PDCL: variants seen among roughly 807,000 people sequenced by gnomAD.
PDCL encodes the protein phosducin like, also known as phosducin-like protein.
Under a neutral mutation model 26.7 loss-of-function variants are expected in PDCL, and 11 were observed. The observed-to-expected ratio is 0.41, with a 90% CI of 0.26 to 0.68. The LOEUF is 0.68. PDCL is among the 30% of genes least tolerant of loss of function. The pLI is 0.30. For synonymous variants in PDCL, 118 were observed against 134.9 expected, an observed-to-expected ratio of 0.87 and a Z score of 0.87; for missense variants, 330 against 371.6, an observed-to-expected ratio of 0.89 and a Z score of 0.92.
At chr9:122,823,317 C>T in intron 2 of PDCL, 120 bp from the exon 3 acceptor site, 1 of 929,278 alleles carries the variant, frequency 1.1e-6, no homozygotes, top group Non-Finnish European at 1.7e-6. Context: ...GCACAATTAT[C>T]ATAGGGACTC....
intron 2 of PDCL, among the ~76,000 whole-genome samples, chr9:122,824,173 C>T (rs138272614): frequency 6.6e-6 from 1 of 152,184 alleles, no homozygotes; most frequent in Non-Finnish European, 1.5e-5. Flanking sequence ...TGCCGAAGGA[C>T]TTATATGTCC....
At chr9:122,825,036 G>C (rs1029762353) in intron 2 of PDCL, among the ~76,000 whole-genome samples, 43 of 152,030 alleles carry the variant, frequency 2.8e-4, no homozygotes, top group African/African-American at 9.4e-4. Context: ...TGAAACAACT[G>C]AGTAGCAATC....
Position 122,823,259 on chromosome 9 carries a change from C to T in PDCL, c.173-62G>A. On this transcript the variant is annotated intron_variant, in intron 2 of 3. Coordinates refer to ENST00000259467, the MANE Select transcript of PDCL (RefSeq NM_005388.5). ...GGGCAGGGAATTATGGACCAGCTGA[C>T]ATCTGTAGGTAGGAGTTCACATCTG... 2.6e-6 allele frequency: 4 copies of T among 1,523,362 alleles called. No individual in the cohort carries two copies. In the Admixed American group the frequency reaches 5.1e-5, roughly 19 times the overall value. 94.4% of individuals were successfully genotyped at this position (1,523,362 alleles called of 1,614,324 possible). A position where few individuals can be genotyped will look rare whatever the true frequency, so the allele number is the denominator to read the frequency against.
At chr9:122,820,804 C>T (rs374786342) in intron 3 of PDCL, 168 bp from the exon 4 acceptor site, 11 of 521,116 alleles carry the variant, frequency 2.1e-5, no homozygotes, top group Admixed American at 6.4e-5. Context: ...GCCAACATGG[C>T]AAAGCCTCAT....
rs1030762507 is a variant in PDCL at position 122,826,668 on chromosome 9, A to C, written c.120T>G (p.Ser40Arg). Reference sequence around the variant, plus strand: ...CCAGCTCAGCCTCTGCAGGCACAGAACTGCTGGCTGGGGCACATCTGCCTC... The same window carrying C: ...CCAGCTCAGCCTCTGCAGGCACAGACCTGCTGGCTGGGGCACATCTGCCTC... The part of the protein sequence containing the change: ...KDRGRCAPAS[S>R]SVPAEAELAG... Residue 40 changes from serine to arginine, a missense_variant, in exon 2 of 4, where the codon AGT (serine) becomes AGG (arginine). Physicochemically the swap from Ser to Arg is moderately radical, Grantham distance 110 (BLOSUM62 -1). Coordinates refer to ENST00000259467, the MANE Select transcript of PDCL (RefSeq NM_005388.5). 6.2e-7 allele frequency: 1 copy of C among 1,614,024 alleles called. No homozygotes were observed. The highest frequency in any genetic ancestry group is 1.3e-5 in the African/African-American group (1 of 74,910).
At chr9:122,827,665 G>C (rs1445445751) in intron 1 of PDCL, among the ~76,000 whole-genome samples, 1 of 152,120 alleles carries the variant, frequency 6.6e-6, no homozygotes, top group East Asian at 1.9e-4. Context: ...CCGGGAGGCG[G>C]AGGTTGCAGT....
chr9:122,820,065 T>C lies in PDCL; in HGVS notation c.*20A>G, dbSNP rs1272323700. 1 of 1,545,690 alleles carries C rather than the reference T, an allele frequency of 6.5e-7. No homozygotes were observed. Among genetic ancestry groups the C allele is most frequent in the African/African-American group, 1.4e-5 (1 of 72,354 alleles). On this transcript the variant is annotated 3_prime_UTR_variant, in exon 4 of 4. Transcript: ENST00000259467. ...ATTCCAACCCAAACAATGAGAAATC[T>C]ATGCAACTAGACTATCAGTTCAATC...
intron 2 of PDCL, 134 bp from the exon 3 acceptor site, chr9:122,823,331 GTACTCTGCCACAGGGCAGA>G (rs1829579049): frequency 1.2e-6 from 1 of 844,530 alleles, no homozygotes; most frequent in Non-Finnish European, 1.9e-6. Flanking sequence ...GGGACTCTGT[GTACTCTGCCACAGGGCAGA>G]GTGGCCTATA....
At position 122,818,201 on chromosome 9, in the gene PDCL, G is replaced by A. The variant is rs1370716262; in HGVS notation, c.*1884C>T. 1.3e-5 allele frequency: 2 copies of A among 152,246 alleles called. No homozygotes were observed. The highest frequency in any genetic ancestry group is 2.9e-5 in the Non-Finnish European group (2 of 68,070). The allele number at this position is 152,246 out of a possible 1,614,324, so 9.4% of individuals were successfully genotyped here. ...GAGAACTGCTTGAACCCAGGAGGTG[G>A]AGGTTGCAGTGAGCCGAGATCACGC... On this transcript the variant is annotated 3_prime_UTR_variant, in exon 4 of 4. Transcript: ENST00000259467.
At position 122,828,496 on chromosome 9, in the gene PDCL, T is replaced by A. The variant is rs1014954806; in HGVS notation, c.-31A>T. ...CTGCCCTAGCTCGCTCCGGATCCCT[T>A]TGGGCCAGCAGCTCCGGGCGCCGGA... On this transcript the variant is annotated 5_prime_UTR_variant, in exon 1 of 4. Transcript: ENST00000259467. The A allele has an allele frequency of 6.6e-6, 1 of 152,192 alleles. No homozygotes were observed. The highest frequency in any genetic ancestry group is 1.5e-5 in the Non-Finnish European group (1 of 68,118). The allele number at this position is 152,192 out of a possible 1,614,324, so 9.4% of individuals were successfully genotyped here.
chr9:122,820,555 C>T lies in PDCL; in HGVS notation c.436G>A (p.Glu146Lys). 6.2e-7 allele frequency: 1 copy of T among 1,614,154 alleles called. No homozygotes were observed. Among genetic ancestry groups the T allele is most frequent in the Non-Finnish European group, 8.5e-7 (1 of 1,180,022 alleles). Residue 146 changes from glutamate (E) to lysine (K), a missense_variant, in exon 4 of 4, where the codon GAA (glutamate) becomes AAA (lysine). Transcript: ENST00000259467. ...FLQQYRKQRM[E>K]EMRQQLHKGP... is the part of the protein sequence containing the mutation. ...TTGTGAAGCTGCTGCCGCATCTCTTCCATTCGCTGCTTCCGGTACTGCTGC... is the reference window on the plus strand; with the variant it reads ...TTGTGAAGCTGCTGCCGCATCTCTTTCATTCGCTGCTTCCGGTACTGCTGC...
chr9:122,825,154 T>C (rs1191653598), intron 2 of PDCL, among the ~76,000 whole-genome samples: 2 of 151,996 alleles, frequency 1.3e-5, no homozygotes, highest in African/African-American at 4.8e-5. Flanking sequence ...TAATGAAAAG[T>C]ATAGGAGAAT....
chr9:122,825,062 C>A (rs955551796), intron 2 of PDCL, among the ~76,000 whole-genome samples: 2 of 152,128 alleles, frequency 1.3e-5, no homozygotes, highest in African/African-American at 2.4e-5. Context: ...AAAAATTAAA[C>A]TGGAGCCCTA....
rs1317358695 is a variant in PDCL, at chr9:122,819,606, T to C, written c.*479A>G. On this transcript the variant is annotated 3_prime_UTR_variant, in exon 4 of 4. Transcript: ENST00000259467. ...CTCACCCCTTTAAACAAGACCCTGG[T>C]GGGGAAAAAAAAAATCTAACCACCG... 1 of 152,060 alleles carries C rather than the reference T, an allele frequency of 6.6e-6. No individual in the cohort carries two copies. Among genetic ancestry groups the C allele is most frequent in the Non-Finnish European group, 1.5e-5 (1 of 68,274 alleles). The allele number at this position is 152,060 out of a possible 1,614,324, so 9.4% of individuals were successfully genotyped here. A position where few individuals can be genotyped will look rare whatever the true frequency, so the allele number is the denominator to read the frequency against.
rs1829512309 is a variant in PDCL, at chr9:122,818,395, T to C, written c.*1690A>G. The C allele has an allele frequency of 6.6e-6, 1 of 152,196 alleles. No homozygotes were observed. The highest frequency in any genetic ancestry group is 2.4e-5 in the African/African-American group (1 of 41,458). The allele number at this position is 152,196 out of a possible 1,614,324, so 9.4% of individuals were successfully genotyped here. A position where few individuals can be genotyped will look rare whatever the true frequency, so the allele number is the denominator to read the frequency against. On this transcript the variant is annotated 3_prime_UTR_variant, in exon 4 of 4. Transcript: ENST00000259467. The stretch of plus-strand genomic sequence containing the variant: ...ATTTAGAATGTTTGAAACATCAAAG[T>C]ATTTATGATACAACACTAAATAAGG...
chr9:122,821,698 A>G (rs1367603061), intron 3 of PDCL, among the ~76,000 whole-genome samples: 1 of 152,154 alleles, frequency 6.6e-6, no homozygotes, highest in Non-Finnish European at 1.5e-5. Context: ...GCCTCTCACA[A>G]GACTGATCCA....
At chr9:122,827,877 C>T (rs1369106339) in intron 1 of PDCL, among the ~76,000 whole-genome samples, 2 of 152,106 alleles carry the variant, frequency 1.3e-5, no homozygotes, top group Non-Finnish European at 1.5e-5. Flanking sequence ...GACTTATCAC[C>T]GGGCCTATCA....
Position 122,820,605 on chromosome 9 carries a change from T to G in PDCL, c.386A>C (p.Glu129Ala), listed in dbSNP as rs775261843. 6.2e-7 allele frequency: 1 copy of G among 1,612,132 alleles called. No homozygotes were observed. The highest frequency in any genetic ancestry group is 2.2e-5 in the East Asian group (1 of 44,878). Reference protein sequence around the residue: ...MTLKEFAIMNEDQDDEEFLQQ... With the variant: ...MTLKEFAIMNADQDDEEFLQQ... ...CAGAAACTCTTCATCATCTTGGTCCTCATTCATTATGGCAAACTCCTTCAG... is the reference window on the plus strand; with the variant it reads ...CAGAAACTCTTCATCATCTTGGTCCGCATTCATTATGGCAAACTCCTTCAG... Residue 129 changes from glutamate to alanine, a missense_variant, in exon 4 of 4, where the codon GAG (glutamate) becomes GCG (alanine). Coordinates refer to ENST00000259467, the MANE Select transcript of PDCL (RefSeq NM_005388.5).
rs763760684 is a variant in PDCL at position 122,826,697 on chromosome 9, C to T, written c.91G>A (p.Asp31Asn). The T allele has an allele frequency of 6.2e-7, 1 of 1,614,200 alleles. No individual in the cohort carries two copies. The highest frequency in any genetic ancestry group is 8.5e-7 in the Non-Finnish European group (1 of 1,180,034). ...CTGGCTGGGGCACATCTGCCTCGGT[C>T]CTTGTCCTCGTGGTCACTGTCCTCA... ...EDEDSDHEDK[D>N]RGRCAPASSS... The change falls in exon 2 of 4, where the codon GAC (aspartate) becomes AAC (asparagine). Residue 31 changes from aspartate (D) to asparagine (N), a missense_variant. Asp to Asn is a conservative substitution (Grantham distance 23). Transcript: ENST00000259467.
Sources: gnomAD v4.1 joint callset for allele counts (sites outside exome capture counted in the v4.1 genomes callset) on GRCh38, gnomAD v4.1.1 for gene constraint, MANE v1.5 for transcripts, NCBI Gene and HGNC (gene_info 2026-07-23, HGNC 2026-07-21) for gene names.